Variants in TANC1 observed in about 807,000 individuals in gnomAD.
TANC1 encodes protein TANC1.
Under a neutral mutation model 149.7 loss-of-function variants are expected in TANC1, and 77 were observed. The observed-to-expected ratio is 0.51, with a 90% CI of 0.43 to 0.62. TANC1 has a LOEUF of 0.62. Ranked by LOEUF, TANC1 falls within the 20% of genes least tolerant of loss-of-function variation. TANC1 has a pLI of 0.00. For missense variants in TANC1, 1,985 were observed against 2,321.8 expected (o/e 0.85, Z 2.98); for synonymous variants, 854 against 925.0 (o/e 0.92, Z 1.39).
intron 4 of TANC1, among the ~76,000 whole-genome samples, chr2:159,120,053 C>G (rs1161906338): frequency 1.3e-5 from 2 of 152,194 alleles, no homozygotes; most frequent in Non-Finnish European, 2.9e-5. Flanking sequence ...TGCATGTGGT[C>G]TGACATGCCA....
intron 4 of TANC1, among the ~76,000 whole-genome samples, chr2:159,106,158 A>C (rs1268381508): frequency 1.3e-5 from 2 of 152,136 alleles, no homozygotes; most frequent in African/African-American, 4.8e-5. Context: ...CACCCATTTA[A>C]AGTTTACAGT....
At chr2:159,079,399 C>T (rs1368070842) in intron 3 of TANC1, among the ~76,000 whole-genome samples, 1 of 132,566 alleles carries the variant, frequency 7.5e-6, no homozygotes, top group Non-Finnish European at 1.5e-5. Context: ...CAGTGTGCTG[C>T]ATGTTTATAA....
At chr2:159,069,858 T>C (rs264654) in intron 3 of TANC1, among the ~76,000 whole-genome samples, 4,905 of 148,380 alleles carry the variant, frequency 0.033, 243 homozygotes, top group East Asian at 0.15. Flanking sequence ...ATCCTTGACC[T>C]CTCAGGCTCA....
intron 4 of TANC1, among the ~76,000 whole-genome samples, chr2:159,110,234 C>T (rs767554225): frequency 3.3e-5 from 5 of 152,168 alleles, no homozygotes; most frequent in Admixed American, 6.5e-5. Flanking sequence ...GACACAAAGC[C>T]ATTTAGTGCA....
intron 3 of TANC1, among the ~76,000 whole-genome samples, chr2:159,096,208 T>C (rs1327942958): frequency 6.6e-6 from 1 of 151,916 alleles, no homozygotes; most frequent in Non-Finnish European, 1.5e-5. Flanking sequence ...TCCATCTTAG[T>C]ACATACTAAC....
intron 2 of TANC1, among the ~76,000 whole-genome samples, chr2:159,050,235 A>G (rs2041367725): frequency 6.6e-6 from 1 of 152,150 alleles, no homozygotes; most frequent in Non-Finnish European, 1.5e-5. Flanking sequence ...CCCGCAAAGT[A>G]CTGTGACTAC....
At chr2:159,077,278 T>C (rs1200919710) in intron 3 of TANC1, among the ~76,000 whole-genome samples, 1 of 152,230 alleles carries the variant, frequency 6.6e-6, no homozygotes, top group Non-Finnish European at 1.5e-5. Flanking sequence ...AAGTTTTGCT[T>C]GGTATCCTTG....
At position 159,230,818 on chromosome 2, in the gene TANC1, G is replaced by A. The variant is rs200215118; in HGVS notation, c.5392G>A (p.Ala1798Thr). The part of the protein sequence containing the change: ...STLSASVHNG[A>T]QVKELEESKC... ...CCTGAGTGCAAGTGTCCACAATGGGGCACAAGTGAAGGAGCTAGAAGAAAG... is the reference window on the plus strand; with the variant it reads ...CCTGAGTGCAAGTGTCCACAATGGGACACAAGTGAAGGAGCTAGAAGAAAG... Residue 1798 changes from alanine to threonine, a missense_variant, in exon 27 of 27, where the codon GCA becomes ACA. By Grantham distance (58) the Ala-to-Thr change is moderately conservative. Around this residue, in one of 3 missense-constraint regions of TANC1, gnomAD observed 920 missense variants for 994.7 expected, o/e 0.92. Transcript: ENST00000263635. This position sits in a 1 kb window ranked among gnomAD's most constrained non-coding sequence, Gnocchi z 4.4. The A allele has an allele frequency of 5.6e-5, 91 of 1,614,190 alleles. No homozygotes were observed. The African/African-American group carries it at 1.1e-3, about 20-fold the overall frequency.
At chr2:159,060,277 A>G (rs2042147854) in intron 2 of TANC1, among the ~76,000 whole-genome samples, 1 of 152,196 alleles carries the variant, frequency 6.6e-6, no homozygotes, top group South Asian at 2.1e-4. Flanking sequence ...ATTTTTGACA[A>G]AAGCAGCATC....
chr2:159,054,977 T>C (rs916232846), intron 2 of TANC1, among the ~76,000 whole-genome samples: 3 of 152,234 alleles, frequency 2.0e-5, no homozygotes. Flanking sequence ...AGAATCACTT[T>C]GTATACATAA....
In TANC1 at chr2:159,219,293, G is replaced by A. The variant is rs1575332842; in HGVS notation, c.3434G>A (p.Gly1145Asp). 1 of 1,614,192 alleles carries A rather than the reference G, an allele frequency of 6.2e-7. No individual in the cohort carries two copies. Among genetic ancestry groups the A allele is most frequent in the East Asian group, 2.2e-5 (1 of 44,882 alleles). The change falls in exon 21 of 27, where the codon GGC (glycine) becomes GAC (aspartate). Residue 1145 changes from glycine to aspartate, a missense_variant. By Grantham distance (94) the Gly-to-Asp change is moderately conservative. Around this residue, in one of 3 missense-constraint regions of TANC1, gnomAD observed 920 missense variants for 994.7 expected, o/e 0.92. Coordinates refer to ENST00000263635, the MANE Select transcript of TANC1 (RefSeq NM_033394.3). ...GATGTGAACCTAAGTGACAAGCAAG[G>A]CCGGACGCCCCTCATGGTGGCTGCT... ...GCDVNLSDKQ[G>D]RTPLMVAACE...
chr2:159,107,806 G>T (rs961534981), intron 4 of TANC1, among the ~76,000 whole-genome samples: 5 of 152,192 alleles, frequency 3.3e-5, no homozygotes, highest in African/African-American at 1.2e-4. Context: ...TAGGTGAGAA[G>T]TAATATCCTT....
At chr2:159,022,812 C>A (rs1030674280) in intron 2 of TANC1, among the ~76,000 whole-genome samples, 1 of 152,116 alleles carries the variant, frequency 6.6e-6, no homozygotes, top group Non-Finnish European at 1.5e-5. Flanking sequence ...AGGTCATCAG[C>A]TTGGGAAGCA....
intron 5 of TANC1, among the ~76,000 whole-genome samples, chr2:159,139,945 GGGTGTGGT>G (rs2051177198): frequency 5.3e-5 from 8 of 152,152 alleles, no homozygotes; most frequent in Non-Finnish European, 1.0e-4. Context: ...TAAAGGGGCT[GGGTGTGGT>G]GGCTCGCCCT....
chr2:159,221,909 C>T (rs2150952039), intron 22 of TANC1, among the ~76,000 whole-genome samples: 1 of 152,280 alleles, frequency 6.6e-6, no homozygotes, highest in Admixed American at 6.5e-5. Context: ...CAGCAGGTGC[C>T]AGAGAAATGG....
At chr2:159,143,092 C>CAAAACA (rs2051597567) in intron 5 of TANC1, among the ~76,000 whole-genome samples, 7 of 94,840 alleles carry the variant, frequency 7.4e-5, no homozygotes, top group Admixed American at 6.3e-4. Flanking sequence ...CAAAACAAAA[C>CAAAACA]AAAAAAAAAC....
chr2:159,122,665 T>A (rs565299957), intron 4 of TANC1, among the ~76,000 whole-genome samples: 1 of 152,312 alleles, frequency 6.6e-6, no homozygotes, highest in African/African-American at 2.4e-5. Context: ...ATGTCGTGTT[T>A]AGAATTGTGT....
intron 1 of TANC1, among the ~76,000 whole-genome samples, chr2:158,998,780 G>A (rs551785717): frequency 3.9e-4 from 60 of 152,318 alleles, no homozygotes; most frequent in Non-Finnish European, 7.2e-4. Context: ...AGCTACTAAA[G>A]TTGTAATAAT....
chr2:159,023,812 C>A (rs1426057490), intron 2 of TANC1, among the ~76,000 whole-genome samples: 1 of 151,830 alleles, frequency 6.6e-6, no homozygotes, highest in African/African-American at 2.4e-5. Context: ...ACTAAAAATA[C>A]AAAAAATTAA....
Sources: allele counts gnomAD v4.1 joint callset (sites outside exome capture counted in the v4.1 genomes callset), GRCh38; gene constraint gnomAD v4.1.1; regional missense constraint gnomAD v4.1.1; non-coding constraint Gnocchi (gnomAD v3.1); transcripts MANE v1.5; gene names NCBI Gene and HGNC (gene_info 2026-07-23, HGNC 2026-07-21).